Variants in PAH observed in about 807,000 individuals in gnomAD.
PAH encodes the protein phenylalanine-4-hydroxylase.
A neutral mutation model predicts 62.0 loss-of-function variants in PAH; 64 were observed. That is an observed-to-expected ratio of 1.03 (90% CI 0.84 to 1.27). The LOEUF is 1.27. Ranked by LOEUF, PAH falls within the 50% of genes most tolerant of loss-of-function variation. The pLI is 0.00. For synonymous variants in PAH, 195 were observed against 196.2 expected (o/e 0.99, Z 0.05); for missense variants, 579 against 542.8 (o/e 1.07, Z -0.66).
rs62508574 is a variant in PAH, at chr12:102,843,745, A to G, written c.1100T>C (p.Leu367Pro). The change falls in exon 11 of 13, where the codon CTG becomes CCG. Residue 367 changes from leucine to proline, a missense_variant. Leu to Pro is a moderately conservative substitution (Grantham distance 98). Coordinates refer to ENST00000553106, the MANE Select transcript of PAH (RefSeq NM_000277.3). ...CLSEKPKLLP[L>P]ELEKTAIQNY... ...TTGGATGGCTGTCTTCTCCAGCTCCAGGGGGAGAAGCTTTGGCTTCTCTGA... is the reference window on the plus strand; with the variant it reads ...TTGGATGGCTGTCTTCTCCAGCTCCGGGGGGAGAAGCTTTGGCTTCTCTGA... 2 of 1,613,780 alleles carry G rather than the reference A, an allele frequency of 1.2e-6. No homozygotes were observed. The highest frequency in any genetic ancestry group is 1.7e-6 in the Non-Finnish European group (2 of 1,179,758).
chr12:102,919,851 T>C (rs1301493939), upstream of PAH, among the ~76,000 whole-genome samples: 2 of 152,214 alleles, frequency 1.3e-5, no homozygotes, highest in African/African-American at 4.8e-5. Flanking sequence ...CCCATGTTGA[T>C]GGAGACTTGG....
At chr12:102,899,922 C>T (rs577958810) in intron 2 of PAH, among the ~76,000 whole-genome samples, 32 of 127,020 alleles carry the variant, frequency 2.5e-4, no homozygotes, top group Admixed American at 2.5e-4. Context: ...TATTAAAAAA[C>T]GTGTCAGTAA....
chr12:102,889,557 T>C (rs867792745), intron 3 of PAH, among the ~76,000 whole-genome samples: 2 of 151,436 alleles, frequency 1.3e-5, no homozygotes, highest in African/African-American at 2.4e-5. Flanking sequence ...GACAGATAGA[T>C]AGATAGATAG....
At chr12:102,926,122 A>G (rs1878675492) in intron 1 of PAH, among the ~76,000 whole-genome samples, 1 of 152,108 alleles carries the variant, frequency 6.6e-6, no homozygotes, top group Non-Finnish European at 1.5e-5. Flanking sequence ...AGGAAACAGG[A>G]ACATTAAATA....
upstream of PAH, chr12:102,958,420 A>T (rs893520986): frequency 6.5e-7 from 1 of 1,543,222 alleles, no homozygotes; most frequent in African/African-American, 1.4e-5. Flanking sequence ...CAGCAGCAGC[A>T]GCAGCAGCAG....
At chr12:102,882,617 CTG>C (rs1270146169) in intron 3 of PAH, among the ~76,000 whole-genome samples, 118 of 139,818 alleles carry the variant, frequency 8.4e-4, no homozygotes, top group Non-Finnish European at 1.2e-3. Context: ...CTATATATAT[CTG>C]TATATATATG....
upstream of PAH, chr12:102,917,550 C>A (rs1309232496): frequency 1.8e-5 from 5 of 278,308 alleles, no homozygotes; most frequent in Admixed American, 1.9e-4. Flanking sequence ...ACTAAGCCTG[C>A]GACCGTCTGG....
chr12:102,871,937 A>ATAT (rs1876344733), intron 4 of PAH, among the ~76,000 whole-genome samples: 2 of 89,294 alleles, frequency 2.2e-5, no homozygotes, highest in African/African-American at 1.1e-4. Context: ...AAAAAAAAAA[A>ATAT]AAAAAAAAAA....
upstream of PAH, among the ~76,000 whole-genome samples, chr12:102,951,763 TC>T (rs1395239554): frequency 2.0e-5 from 3 of 151,890 alleles, no homozygotes; most frequent in Non-Finnish European, 4.4e-5. Flanking sequence ...AGGGCATTTT[TC>T]CCCCTCCCCT....
upstream of PAH, among the ~76,000 whole-genome samples, chr12:102,954,013 C>T (rs1879841673): frequency 6.6e-6 from 1 of 152,184 alleles, no homozygotes; most frequent in Non-Finnish European, 1.5e-5. Flanking sequence ...TTGTTTACTT[C>T]TCCCTTCATG....
chr12:102,863,508 T>C (rs1368546209), intron 5 of PAH, among the ~76,000 whole-genome samples: 4 of 152,150 alleles, frequency 2.6e-5, no homozygotes, highest in Non-Finnish European at 5.9e-5. Flanking sequence ...CTCATTCTCC[T>C]GCATTGTGCC....
At chr12:102,895,867 A>T (rs189809995) in intron 2 of PAH, among the ~76,000 whole-genome samples, 12,512 of 124,724 alleles carry the variant, frequency 0.1, 603 homozygotes, top group Admixed American at 0.2. Flanking sequence ...AAAAAAAAAA[A>T]AAATATATAT....
In PAH at chr12:102,852,839, G is replaced by A. The variant is rs62514953; in HGVS notation, c.818C>T (p.Ser273Phe). 1.7e-5 allele frequency: 28 copies of A among 1,613,940 alleles called. No individual in the cohort carries two copies. Among genetic ancestry groups the A allele is most frequent in the Non-Finnish European group, 1.9e-5 (23 of 1,179,974 alleles). ...FHCTQYIRHG[S>F]KPMYTPEPDI... ...CGGTTCGGGGGTATACATGGGCTTG[G>A]ATCCATGTCTGATGTACTGTGTGCA... Residue 273 changes from serine to phenylalanine, a missense_variant, in exon 7 of 13, where the codon TCC (serine) becomes TTC (phenylalanine). Physicochemically the swap from Ser to Phe is radical, Grantham distance 155 (BLOSUM62 -2). Transcript: ENST00000553106.
At chr12:102,955,215 G>C (rs1456452408), upstream of PAH, among the ~76,000 whole-genome samples, 1 of 152,194 alleles carries the variant, frequency 6.6e-6, no homozygotes, top group Non-Finnish European at 1.5e-5. Context: ...GAGGAGAGGA[G>C]GTTCTGTCCT....
chr12:102,855,780 T>A (rs1219977706), intron 5 of PAH, among the ~76,000 whole-genome samples: 1 of 152,136 alleles, frequency 6.6e-6, no homozygotes, highest in African/African-American at 2.4e-5. Context: ...CAACACAGTG[T>A]ATTTTTATGG....
At chr12:102,855,401 C>T (rs1462261320) in intron 5 of PAH, 69 bp from the exon 6 acceptor site, 2 of 1,283,666 alleles carry the variant, frequency 1.6e-6, no homozygotes, top group Non-Finnish European at 2.3e-6. Context: ...GTTAGGTTAG[C>T]AGAGGGAGTC....
chr12:102,948,067 A>G (rs982199604), intron 1 of PAH, among the ~76,000 whole-genome samples: 2 of 152,186 alleles, frequency 1.3e-5, no homozygotes, highest in African/African-American at 4.8e-5. Context: ...CTCCAGAGGG[A>G]AGAGCAAGAA....
intron 4 of PAH, among the ~76,000 whole-genome samples, chr12:102,876,797 C>A: frequency 6.6e-6 from 1 of 152,014 alleles, no homozygotes; most frequent in East Asian, 1.9e-4. Flanking sequence ...ACTCAAAAAC[C>A]ATTAAAGGAC....
chr12:102,903,158 C>T (rs150845757), intron 2 of PAH, among the ~76,000 whole-genome samples: 5,800 of 152,130 alleles, frequency 0.038, 192 homozygotes, highest in African/African-American at 0.085. Flanking sequence ...GTCAGGAGTT[C>T]GAGAACAGCC....
Sources: gnomAD v4.1 joint callset for allele counts (sites outside exome capture counted in the v4.1 genomes callset) on GRCh38, gnomAD v4.1.1 for gene constraint, MANE v1.5 for transcripts, NCBI Gene and HGNC (gene_info 2026-07-23, HGNC 2026-07-21) for gene names.